KCNMA1: variants seen among roughly 807,000 people sequenced by gnomAD.
KCNMA1 encodes the protein potassium calcium-activated channel subfamily M alpha 1, also known as Calcium-activated potassium channel subunit alpha-1.
KCNMA1 carries 29 observed loss-of-function variants against 140.0 expected under a neutral mutation model. The ratio of observed to expected loss-of-function variants is 0.21; its 90% CI spans 0.15 to 0.28. The LOEUF (loss-of-function observed/expected upper bound fraction) is 0.28, where lower values mean the gene tolerates loss of function less well. Ranked by LOEUF, KCNMA1 falls within the 10% of genes least tolerant of loss-of-function variation. The probability of loss-of-function intolerance (pLI) is 1.00; values close to 1 mark genes in which losing one functional copy is unlikely to be tolerated. For missense variants in KCNMA1, 880 were observed against 1,602.2 expected (o/e 0.55, Z 7.70); for synonymous variants, 612 against 611.9 (o/e 1.00, Z 0.00).
intron 1 of KCNMA1, among the ~76,000 whole-genome samples, chr10:77,563,721 T>C (rs2067170938): frequency 1.3e-5 from 2 of 152,150 alleles, no homozygotes; most frequent in South Asian, 4.1e-4. Context: ...CAGATCCCCC[T>C]CTTGCCCTCT....
intron 5 of KCNMA1, among the ~76,000 whole-genome samples, chr10:77,142,788 G>A (rs549957264): frequency 6.6e-6 from 1 of 152,236 alleles, no homozygotes; most frequent in South Asian, 2.1e-4. Context: ...TAAAGTATTA[G>A]GAATAATATT....
chr10:77,148,325 AGTTATATCTTCAATT>A (rs1385503307), intron 5 of KCNMA1: 1 of 152,220 alleles, frequency 6.6e-6, no homozygotes, highest in African/African-American at 2.4e-5. Flanking sequence ...GAACACGGTG[AGTTATATCTTCAATT>A]ACAGTTTACA....
At chr10:77,215,357 C>A (rs1456306502) in intron 3 of KCNMA1, among the ~76,000 whole-genome samples, 1 of 146,656 alleles carries the variant, frequency 6.8e-6, no homozygotes, top group Non-Finnish European at 1.5e-5. Context: ...AACATGATTA[C>A]AGATTGCACC....
At chr10:77,483,742 G>T (rs936599650) in intron 1 of KCNMA1, among the ~76,000 whole-genome samples, 2 of 152,204 alleles carry the variant, frequency 1.3e-5, no homozygotes, top group Non-Finnish European at 2.9e-5. Flanking sequence ...GTGAAAAGAT[G>T]AGCAAGGATT....
At chr10:77,631,681 C>G (rs1302508501) in intron 1 of KCNMA1, among the ~76,000 whole-genome samples, 1 of 152,194 alleles carries the variant, frequency 6.6e-6, no homozygotes, top group African/African-American at 2.4e-5. Context: ...AGCACTTACT[C>G]CTGGCTATCA....
intron 10 of KCNMA1, among the ~76,000 whole-genome samples, chr10:77,088,687 C>T (rs1336475920): frequency 2.0e-5 from 3 of 152,116 alleles, no homozygotes; most frequent in African/African-American, 7.2e-5. Flanking sequence ...CCTTGGCCTC[C>T]CAAAGTGCTG....
chr10:77,108,575 G>A lies in KCNMA1; in HGVS notation c.1132-3C>T. The A allele has an allele frequency of 2.5e-6, 4 of 1,607,430 alleles. No homozygotes were observed. The South Asian group carries it at 4.4e-5, about 18-fold the overall frequency. ...GGGACGTAGCTGGCAAACATGGCCT[G>A]AGAAGATAGGAGACAGAAGAGAGAC... On this transcript the variant is annotated splice_region_variant and splice_polypyrimidine_tract_variant and intron_variant, in intron 8 of 27. Coordinates refer to ENST00000286628, the MANE Select transcript of KCNMA1 (RefSeq NM_001161352.2). The surrounding 1 kb of genome is among the most constrained non-coding windows in gnomAD (Gnocchi z 4.6).
chr10:77,228,933 A>C (rs1191274770), intron 3 of KCNMA1, among the ~76,000 whole-genome samples: 2 of 152,246 alleles, frequency 1.3e-5, no homozygotes, highest in East Asian at 3.8e-4. Context: ...ATTCAGCATG[A>C]ATACGACATC....
chr10:76,938,826 C>T (rs1184564827), intron 23 of KCNMA1, among the ~76,000 whole-genome samples: 1 of 152,224 alleles, frequency 6.6e-6, no homozygotes, highest in Non-Finnish European at 1.5e-5. Context: ...CACTTCCATT[C>T]GCTCCGTCTC....
rs555930669 is a variant in KCNMA1 at position 77,589,268 on chromosome 10, G to C, written c.378+47997C>G. Among the ~76,000 whole-genome samples, 6 of 152,312 alleles carry C rather than the reference G, an allele frequency of 3.9e-5. No homozygotes were observed. In the South Asian group the frequency reaches 1.2e-3, roughly 32 times the overall value. ...TAGTCTGGCCATGGATGACTGGGGAGGCAGCACTGGAGTAGGACAAGTACT... is the reference window on the plus strand; with the variant it reads ...TAGTCTGGCCATGGATGACTGGGGACGCAGCACTGGAGTAGGACAAGTACT... On this transcript the variant is annotated intron_variant, in intron 1 of 27. Coordinates refer to ENST00000286628, the MANE Select transcript of KCNMA1 (RefSeq NM_001161352.2).
chr10:77,226,911 T>G (rs1401523835), intron 3 of KCNMA1, among the ~76,000 whole-genome samples: 2 of 152,072 alleles, frequency 1.3e-5, no homozygotes, highest in Non-Finnish European at 2.9e-5. Context: ...TTGAGGGAGG[T>G]GTGCCTCCTT....
chr10:77,632,815 G>A (rs2093353613), intron 1 of KCNMA1, among the ~76,000 whole-genome samples: 1 of 152,198 alleles, frequency 6.6e-6, no homozygotes, highest in Non-Finnish European at 1.5e-5. Context: ...CTAAGTGTCT[G>A]GCATTTGCAG....
intron 1 of KCNMA1, chr10:77,634,702 C>T: frequency 1.0e-6 from 1 of 974,502 alleles, no homozygotes. Flanking sequence ...TTATTCTAAG[C>T]TTAAGCCAAA....
At chr10:77,412,072 A>G (rs962610593) in intron 1 of KCNMA1, among the ~76,000 whole-genome samples, 3 of 152,204 alleles carry the variant, frequency 2.0e-5, no homozygotes, top group African/African-American at 7.2e-5. Context: ...AGGAGAGATC[A>G]GGTTAGCACA....
At chr10:77,629,062 C>T (rs1331523036) in intron 1 of KCNMA1, among the ~76,000 whole-genome samples, 3 of 152,138 alleles carry the variant, frequency 2.0e-5, no homozygotes, top group Admixed American at 6.5e-5. Context: ...ATTTTGGCCA[C>T]GTGAAGAAGT....
At chr10:77,012,318 CT>C (rs2090988703) in intron 17 of KCNMA1, 2 of 1,465,928 alleles carry the variant, frequency 1.4e-6, no homozygotes. Flanking sequence ...CACACTGTGT[CT>C]GCTCATTCGT....
At chr10:77,090,605 G>A in intron 9 of KCNMA1, 95 bp from the exon 10 acceptor site, 1 of 824,120 alleles carries the variant, frequency 1.2e-6, no homozygotes, top group South Asian at 1.3e-5. Flanking sequence ...GCAGCTGCAG[G>A]GGAAGCATTC....
chr10:77,614,944 A>G (rs984986222), intron 1 of KCNMA1, among the ~76,000 whole-genome samples: 14 of 152,252 alleles, frequency 9.2e-5, no homozygotes, highest in African/African-American at 3.1e-4. Context: ...TAAGCTTGAG[A>G]TAAAAGGGAG....
intron 2 of KCNMA1, among the ~76,000 whole-genome samples, chr10:77,359,198 G>A (rs1421636333): frequency 1.3e-5 from 2 of 152,216 alleles, no homozygotes; most frequent in Non-Finnish European, 2.9e-5. Context: ...CTTCAGGCCT[G>A]CAGTTCTGCT....
Sources: allele counts gnomAD v4.1 joint callset (sites outside exome capture counted in the v4.1 genomes callset), GRCh38; gene constraint gnomAD v4.1.1; non-coding constraint Gnocchi (gnomAD v3.1); transcripts MANE v1.5; gene names NCBI Gene and HGNC (gene_info 2026-07-23, HGNC 2026-07-21).